Variants in TRIM9 observed in about 807,000 individuals in gnomAD.
The protein encoded by TRIM9 is E3 ubiquitin-protein ligase TRIM9.
In TRIM9, 26 loss-of-function variants were observed where a neutral mutation model predicts 78.3. The ratio of observed to expected loss-of-function variants is 0.33; its 90% CI spans 0.24 to 0.46. The LOEUF is 0.46. Ranked by LOEUF, TRIM9 falls within the 20% of genes least tolerant of loss-of-function variation. The probability of loss-of-function intolerance (pLI) is 1.00; values close to 1 mark genes in which losing one functional copy is unlikely to be tolerated. For missense variants in TRIM9, 787 were observed against 1,036.4 expected, an observed-to-expected ratio of 0.76 and a Z score of 3.30; for synonymous variants, 398 against 416.5, an observed-to-expected ratio of 0.96 and a Z score of 0.54.
chr14:51,085,477 G>A (rs1279346958), intron 1 of TRIM9, among the ~76,000 whole-genome samples: 6 of 152,172 alleles, frequency 3.9e-5, no homozygotes, highest in African/African-American at 9.7e-5. Context: ...ATTCTTAAAC[G>A]ATATCCTCCT....
chr14:50,997,434 C>T, intron 7 of TRIM9: 1 of 985,588 alleles, frequency 1.0e-6, no homozygotes, highest in Non-Finnish European at 1.2e-6. Context: ...TTGCTGGTCT[C>T]TTCCTGTTTG....
At chr14:51,034,695 T>C (rs1596231792) in intron 1 of TRIM9, among the ~76,000 whole-genome samples, 1 of 152,204 alleles carries the variant, frequency 6.6e-6, no homozygotes, top group African/African-American at 2.4e-5. Flanking sequence ...TATTCTAAAA[T>C]AGGAGATTAA....
intron 12 of TRIM9, among the ~76,000 whole-genome samples, chr14:50,978,522 G>A (rs138998894): frequency 1.3e-5 from 2 of 152,082 alleles, no homozygotes; most frequent in East Asian, 3.9e-4. Context: ...AAGGCTCCAC[G>A]CAACTCACTC....
chr14:51,022,835 C>A lies in TRIM9; in HGVS notation c.1041G>T (p.Lys347Asn), dbSNP rs773293963. The A allele has an allele frequency of 6.2e-7, 1 of 1,614,156 alleles. No homozygotes were observed. Among genetic ancestry groups the A allele is most frequent in the East Asian group, 2.2e-5 (1 of 44,880 alleles). The change falls in exon 3 of 13, where the codon AAG becomes AAT. Residue 347 changes from lysine (K) to asparagine (N), a missense_variant and splice_region_variant. This residue lies in a region of TRIM9 where 352 missense variants were observed against 472.3 expected (regional missense o/e 0.75). Transcript: ENST00000684578. ...RVNKEHEHKL[K>N]VVRDQISHCT... ...GCTCTTCCCATGATGCAGCACTCAC[C>A]TTCAGCTTGTGCTCATGCTCCTTGT...
chr14:50,977,540 G>A (rs900042998), intron 12 of TRIM9, among the ~76,000 whole-genome samples, 187 bp from the exon 13 acceptor site: 2 of 152,206 alleles, frequency 1.3e-5, no homozygotes, highest in Non-Finnish European at 2.9e-5. Context: ...TCACCATGGT[G>A]GGCTCTCAAA....
intron 1 of TRIM9, among the ~76,000 whole-genome samples, chr14:51,068,320 G>A (rs1408598268): frequency 6.6e-6 from 1 of 151,478 alleles, no homozygotes; most frequent in Admixed American, 6.6e-5. Context: ...TATGTATTTG[G>A]TGTGCACCAA....
At position 50,975,874 on chromosome 14, in the gene TRIM9, C is replaced by G. The variant is rs1236578928; in HGVS notation, c.*1417G>C. The G allele has an allele frequency of 6.6e-6, 1 of 152,598 alleles. No individual in the cohort carries two copies. The highest frequency in any genetic ancestry group is 2.4e-5 in the African/African-American group (1 of 41,438). 9.5% of individuals were successfully genotyped at this position (152,598 alleles called of 1,614,324 possible). ...TCTATCTCTATATAGAAGTAAGATG[C>G]ATTATTATTCTGCTATCAGTCATAG... On this transcript the variant is annotated 3_prime_UTR_variant, in exon 13 of 13. Transcript: ENST00000684578.
chr14:51,064,066 A>G (rs1470814071), intron 1 of TRIM9, among the ~76,000 whole-genome samples: 1 of 152,154 alleles, frequency 6.6e-6, no homozygotes, highest in Non-Finnish European at 1.5e-5. Flanking sequence ...TTTAATATAT[A>G]TGATAACAGC....
intron 1 of TRIM9, among the ~76,000 whole-genome samples, chr14:51,039,620 T>C (rs868273710): frequency 1.3e-5 from 2 of 152,252 alleles, no homozygotes; most frequent in African/African-American, 4.8e-5. Context: ...GCAAGTGTCA[T>C]GAGGGGATTC....
Position 51,034,816 on chromosome 14 carries a change from C to T in TRIM9, c.823-9456G>A, listed in dbSNP as rs559711803. Among the ~76,000 whole-genome samples, 7 of 152,316 alleles carry T rather than the reference C, an allele frequency of 4.6e-5. No individual in the cohort carries two copies. In the South Asian group the frequency reaches 1.4e-3, roughly 32 times the overall value. ...TCTGAATCTCCGCTGTGTTTCTTAA[C>T]AGATTTGTGACTTTGGACCACTTAA... On this transcript the variant is annotated intron_variant, in intron 1 of 12. Coordinates refer to ENST00000684578, the MANE Select transcript of TRIM9 (RefSeq NM_001387360.1).
At chr14:50,978,993 A>G in intron 12 of TRIM9, 1 of 1,171,618 alleles carries the variant, frequency 8.5e-7, no homozygotes, top group South Asian at 3.7e-5. Flanking sequence ...TAATGATACT[A>G]ATGCTTCAGT....
intron 1 of TRIM9, among the ~76,000 whole-genome samples, chr14:51,091,447 C>A (rs2064318617): frequency 6.6e-6 from 1 of 152,150 alleles, no homozygotes; most frequent in Non-Finnish European, 1.5e-5. Context: ...ATTTTGGAAA[C>A]CTAGTTAGTA....
intron 1 of TRIM9, among the ~76,000 whole-genome samples, chr14:51,063,098 T>G (rs1158513929): frequency 1.3e-5 from 2 of 151,974 alleles, no homozygotes; most frequent in African/African-American, 4.8e-5. Context: ...GTTCAATGAC[T>G]TAAAGGAAAA....
chr14:51,044,764 C>T (rs917468221), intron 1 of TRIM9, among the ~76,000 whole-genome samples: 2 of 152,086 alleles, frequency 1.3e-5, no homozygotes, highest in Non-Finnish European at 2.9e-5. Flanking sequence ...TATGGCTAAA[C>T]CTAATCTAAC....
At chr14:51,036,108 CTT>C (rs1470155777) in intron 1 of TRIM9, among the ~76,000 whole-genome samples, 1 of 152,190 alleles carries the variant, frequency 6.6e-6, no homozygotes, top group African/African-American at 2.4e-5. Context: ...GCAACAGTTT[CTT>C]TTTGCCATGC....
chr14:51,000,570 A>G, intron 6 of TRIM9, 113 bp downstream of exon 6: 2 of 1,423,496 alleles, frequency 1.4e-6, no homozygotes, highest in Non-Finnish European at 1.9e-6. Flanking sequence ...AGGCCCTGCC[A>G]GGATGGCCTG....
chr14:51,011,292 G>A (rs960296871), intron 3 of TRIM9, among the ~76,000 whole-genome samples: 1 of 152,108 alleles, frequency 6.6e-6, no homozygotes, highest in Non-Finnish European at 1.5e-5. Context: ...TCCTTGAACA[G>A]TTTTTTTCTT....
intron 1 of TRIM9, among the ~76,000 whole-genome samples, chr14:51,070,877 C>T (rs955687594): frequency 6.6e-6 from 1 of 152,198 alleles, no homozygotes; most frequent in African/African-American, 2.4e-5. Flanking sequence ...GCATTTGACT[C>T]ACATTCCTAG....
intron 5 of TRIM9, among the ~76,000 whole-genome samples, chr14:51,002,167 G>A (rs1159807884): frequency 6.6e-6 from 1 of 152,090 alleles, no homozygotes; most frequent in Non-Finnish European, 1.5e-5. Flanking sequence ...TGTCGTCCAG[G>A]CTGGAGTGCA....
Sources: gnomAD v4.1 joint callset for allele counts (sites outside exome capture counted in the v4.1 genomes callset) on GRCh38, gnomAD v4.1.1 for gene constraint, gnomAD v4.1.1 regional missense constraint, MANE v1.5 for transcripts, NCBI Gene and HGNC (gene_info 2026-07-23, HGNC 2026-07-21) for gene names.